The following ARHGAP15 variants were observed in gnomAD, a reference collection of about 807,000 sequenced individuals.
The protein encoded by ARHGAP15 is rho GTPase-activating protein 15.
ARHGAP15 carries 51 observed loss-of-function variants against 63.7 expected under a neutral mutation model. The observed-to-expected ratio is 0.80, with a 90% CI of 0.64 to 1.01. The LOEUF is 1.01. Ranked by LOEUF, ARHGAP15 falls within the 50% of genes least tolerant of loss-of-function variation. The pLI is 0.00. For synonymous variants in ARHGAP15, 191 were observed against 193.8 expected, an observed-to-expected ratio of 0.99 and a Z score of 0.12; for missense variants, 560 against 564.6, an observed-to-expected ratio of 0.99 and a Z score of 0.08.
At chr2:143,413,966 T>TGTGTGTGTGTGTGTGTGTGTGTGCGC in intron 6 of ARHGAP15, among the ~76,000 whole-genome samples, 5 of 117,908 alleles carry the variant, frequency 4.2e-5, no homozygotes, top group African/African-American at 1.8e-4. Flanking sequence ...TGTGTGTGTG[T>TGTGTGTGTGTGTGTGTGTGTGTGCGC]GCGCGCTCTC....
intron 9 of ARHGAP15, among the ~76,000 whole-genome samples, chr2:143,495,927 T>C (rs940633662): frequency 1.3e-5 from 2 of 152,184 alleles, no homozygotes; most frequent in African/African-American, 4.8e-5. Flanking sequence ...ATTGCTTGGG[T>C]CTGAAATACT....
chr2:143,141,633 A>G (rs192860857), intron 1 of ARHGAP15, among the ~76,000 whole-genome samples: 2 of 152,310 alleles, frequency 1.3e-5, no homozygotes, highest in Non-Finnish European at 1.5e-5. Flanking sequence ...AACTAAGATC[A>G]TGTTGAGAAA....
intron 4 of ARHGAP15, among the ~76,000 whole-genome samples, chr2:143,223,868 C>T (rs1693097888): frequency 6.6e-6 from 1 of 152,164 alleles, no homozygotes; most frequent in Non-Finnish European, 1.5e-5. Flanking sequence ...TAGGATGCAA[C>T]CTTACTGGGC....
chr2:143,645,097 C>T (rs1680805622), intron 12 of ARHGAP15, among the ~76,000 whole-genome samples: 1 of 151,996 alleles, frequency 6.6e-6, no homozygotes, highest in African/African-American at 2.4e-5. Flanking sequence ...CATCTTTAAA[C>T]AGAGCATTAA....
At chr2:143,440,056 CAGTA>C (rs1689807072) in intron 8 of ARHGAP15, among the ~76,000 whole-genome samples, 1 of 150,654 alleles carries the variant, frequency 6.6e-6, no homozygotes, top group Admixed American at 6.6e-5. Context: ...TTTTTAGGGC[CAGTA>C]TGTTTTTTGC....
intron 9 of ARHGAP15, among the ~76,000 whole-genome samples, chr2:143,489,886 A>G (rs1292228351): frequency 6.6e-6 from 1 of 152,220 alleles, no homozygotes; most frequent in African/African-American, 2.4e-5. Context: ...AAAGGCCTCT[A>G]TTACCAAGGT....
intron 12 of ARHGAP15, among the ~76,000 whole-genome samples, chr2:143,661,831 C>A (rs1027013716): frequency 5.9e-5 from 9 of 152,194 alleles, no homozygotes; most frequent in African/African-American, 1.9e-4. Flanking sequence ...AAAATCGGGT[C>A]ACTCCCACCC....
At chr2:143,162,698 T>C (rs887831782) in intron 2 of ARHGAP15, among the ~76,000 whole-genome samples, 5 of 152,122 alleles carry the variant, frequency 3.3e-5, no homozygotes, top group African/African-American at 1.2e-4. Flanking sequence ...GCAGCATCTC[T>C]TATTTAATTC....
chr2:143,594,428 C>T lies in ARHGAP15; in HGVS notation c.1004-29705C>T, dbSNP rs183764236. On this transcript the variant is annotated intron_variant, in intron 11 of 13. Transcript: ENST00000295095. The stretch of plus-strand genomic sequence containing the variant: ...AGCTTTCTCCGCCAGCTGCTAATTA[C>T]GGTGTGCTCGGCCTATTTGGTATGG... 2.1e-3 allele frequency among the ~76,000 whole-genome samples: 315 copies of T among 152,262 alleles called. 3 individuals are homozygous for T. The highest frequency in any genetic ancestry group is 7.3e-3 in the African/African-American group (304 of 41,562).
At chr2:143,639,463 G>A (rs935876235) in intron 12 of ARHGAP15, among the ~76,000 whole-genome samples, 10 of 152,068 alleles carry the variant, frequency 6.6e-5, no homozygotes, top group Admixed American at 6.6e-5. Context: ...AAGGCTAAAG[G>A]ATATGTAAAT....
At chr2:143,396,465 C>G (rs965715416) in intron 6 of ARHGAP15, among the ~76,000 whole-genome samples, 1 of 151,800 alleles carries the variant, frequency 6.6e-6, no homozygotes, top group Admixed American at 6.6e-5. Context: ...GCAATGAGTC[C>G]CCCAGTCAAG....
chr2:143,402,017 C>A (rs1001753587), intron 6 of ARHGAP15, among the ~76,000 whole-genome samples: 2 of 151,828 alleles, frequency 1.3e-5, no homozygotes, highest in African/African-American at 2.4e-5. Flanking sequence ...ATATGCCATA[C>A]AGACAGAACA....
intron 6 of ARHGAP15, among the ~76,000 whole-genome samples, chr2:143,348,988 G>T (rs532952127): frequency 1.3e-5 from 2 of 152,024 alleles, no homozygotes; most frequent in African/African-American, 4.8e-5. Context: ...GTAACTGTTC[G>T]ATAAGAGAAA....
intron 8 of ARHGAP15, among the ~76,000 whole-genome samples, chr2:143,478,847 T>C (rs1691944844): frequency 6.6e-6 from 1 of 152,234 alleles, no homozygotes; most frequent in African/African-American, 2.4e-5. Flanking sequence ...AAGACATTTC[T>C]CAAACTATCT....
intron 11 of ARHGAP15, among the ~76,000 whole-genome samples, chr2:143,561,523 T>C (rs1696018740): frequency 6.6e-6 from 1 of 151,632 alleles, no homozygotes; most frequent in Non-Finnish European, 1.5e-5. Context: ...TTCTTTTTTT[T>C]TTTTTTGAGA....
intron 11 of ARHGAP15, among the ~76,000 whole-genome samples, chr2:143,622,767 A>G (rs1189841494): frequency 7.3e-6 from 1 of 137,532 alleles, no homozygotes; most frequent in Non-Finnish European, 1.6e-5. Context: ...CTTAGAAACG[A>G]TCGTTCATTT....
At chr2:143,284,483 C>T (rs1228699640) in intron 6 of ARHGAP15, among the ~76,000 whole-genome samples, 1 of 152,048 alleles carries the variant, frequency 6.6e-6, no homozygotes, top group East Asian at 1.9e-4. Flanking sequence ...GTGACCACTA[C>T]GAAATCAGCT....
At chr2:143,274,012 A>G (rs912962621) in intron 6 of ARHGAP15, among the ~76,000 whole-genome samples, 1 of 152,226 alleles carries the variant, frequency 6.6e-6, no homozygotes, top group Non-Finnish European at 1.5e-5. Context: ...CCAGAAAAGT[A>G]TGGCTTTCTG....
In ARHGAP15 at chr2:143,412,690, T is replaced by A. The variant is rs540647811; in HGVS notation, c.475-22911T>A. Among the ~76,000 whole-genome samples, 11 of 152,272 alleles carry A rather than the reference T, an allele frequency of 7.2e-5. No individual in the cohort carries two copies. The East Asian group carries it at 2.1e-3, about 29-fold the overall frequency. Reference sequence around the variant, plus strand: ...TATTTATCCTGGTTGAGGTTTGTAGTGATTTTTGAATCTGTGGCTTAATGT... The same window carrying A: ...TATTTATCCTGGTTGAGGTTTGTAGAGATTTTTGAATCTGTGGCTTAATGT... On this transcript the variant is annotated intron_variant, in intron 6 of 13. Coordinates refer to ENST00000295095, the MANE Select transcript of ARHGAP15 (RefSeq NM_018460.4).
Sources: allele counts gnomAD v4.1 joint callset (sites outside exome capture counted in the v4.1 genomes callset), GRCh38; gene constraint gnomAD v4.1.1; transcripts MANE v1.5; gene names NCBI Gene and HGNC (gene_info 2026-07-23, HGNC 2026-07-21).